CFAP69: variants seen among roughly 807,000 people sequenced by gnomAD.
CFAP69 encodes the protein cilia and flagella associated protein 69.
CFAP69 carries 92 observed loss-of-function variants against 123.0 expected under a neutral mutation model. The observed-to-expected ratio is 0.75, with a 90% CI of 0.63 to 0.89. CFAP69 has a LOEUF of 0.89. Ranked by LOEUF, CFAP69 falls within the 40% of genes least tolerant of loss-of-function variation. The pLI, the probability that CFAP69 is intolerant of heterozygous loss-of-function variation, is 0.00. For missense variants in CFAP69, 1,067 were observed against 1,096.9 expected, an observed-to-expected ratio of 0.97 and a Z score of 0.39; for synonymous variants, 380 against 364.3, an observed-to-expected ratio of 1.04 and a Z score of -0.49.
chr7:90,311,282 G>T (rs1408651881), downstream of CFAP69, among the ~76,000 whole-genome samples: 1 of 152,080 alleles, frequency 6.6e-6, no homozygotes, highest in East Asian at 1.9e-4. Context: ...AAGGACATGA[G>T]TTCATGTCCA....
At chr7:90,247,292 C>T (rs1211948276) in intron 1 of CFAP69, among the ~76,000 whole-genome samples, 1 of 152,194 alleles carries the variant, frequency 6.6e-6, no homozygotes, top group Non-Finnish European at 1.5e-5. Context: ...CCTTTTAGGC[C>T]TCTGCCTTAG....
At chr7:90,305,118 G>A (rs1252145934) in intron 19 of CFAP69, among the ~76,000 whole-genome samples, 2 of 151,932 alleles carry the variant, frequency 1.3e-5, no homozygotes, top group African/African-American at 2.4e-5. Flanking sequence ...CAAGGCAGGT[G>A]GATAACGAGG....
At position 90,271,552 on chromosome 7, in the gene CFAP69, A is replaced by C; in HGVS notation, c.559A>C (p.Lys187Gln). Residue 187 changes from lysine (K) to glutamine (Q), a missense_variant, in exon 7 of 23, where the codon AAG (lysine) becomes CAG (glutamine). Coordinates refer to ENST00000389297, the MANE Select transcript of CFAP69 (RefSeq NM_001039706.3). The stretch of plus-strand genomic sequence containing the variant: ...TTACCAGCAAGCGAGTTCATCATAC[A>C]AGATTCAAATGGCTGAAGTTGGAGG... ...PGYQQASSSY[K>Q]IQMAEVGGLA... The C allele has an allele frequency of 6.2e-7, 1 of 1,612,384 alleles. No homozygotes were observed.
intron 11 of CFAP69, 150 bp from the exon 12 acceptor site, chr7:90,279,527 T>G: frequency 2.1e-6 from 1 of 472,302 alleles, no homozygotes; most frequent in African/African-American, 2.0e-5. Flanking sequence ...GTGTTTTTTT[T>G]TTGGTACCTA....
At chr7:90,316,089 C>T in the CFAP69 span, among the ~76,000 whole-genome samples, 76,691 of 151,944 alleles carry the variant, frequency 0.5, 20,234 homozygotes, top group Non-Finnish European at 0.59. Context: ...AGCGAAACTC[C>T]GTCTCAAAAA....
At chr7:90,277,385 G>A (rs771956953) in intron 11 of CFAP69, 51 bp downstream of exon 11, 4 of 1,347,360 alleles carry the variant, frequency 3.0e-6, no homozygotes, top group South Asian at 1.8e-5. Flanking sequence ...TTACTTTGTA[G>A]TATAACTATT....
chr7:90,320,562 G>T, the CFAP69 span: 2 of 152,190 alleles, frequency 1.3e-5, no homozygotes, highest in Non-Finnish European at 2.9e-5. Flanking sequence ...GACTAAGTTG[G>T]CATTGAATTG....
At chr7:90,275,219 T>C (rs1788402492) in intron 9 of CFAP69, among the ~76,000 whole-genome samples, 1 of 152,220 alleles carries the variant, frequency 6.6e-6, no homozygotes, top group Non-Finnish European at 1.5e-5. Flanking sequence ...CTATTCATTA[T>C]GAGCATCTTT....
At chr7:90,290,743 GTCTTTTCTTTTCTTT>G (rs68042620) in intron 15 of CFAP69, among the ~76,000 whole-genome samples, 18,686 of 121,608 alleles carry the variant, frequency 0.15, 1,882 homozygotes, top group East Asian at 0.35. Flanking sequence ...TAGAAACAAT[GTCTTTTCTTTTCTTT>G]TCTTTTCTTT....
chr7:90,247,701 G>T (rs2116498556), intron 1 of CFAP69, among the ~76,000 whole-genome samples: 1 of 151,920 alleles, frequency 6.6e-6, no homozygotes, highest in East Asian at 1.9e-4. Context: ...CAAAAATTAG[G>T]TGGGCATGGT....
chr7:90,310,247 A>G lies in CFAP69; in HGVS notation c.*9A>G, dbSNP rs746188756. Reference sequence around the variant, plus strand: ...AGAGTATTCCTACGTAATATACTATAGAGACTTTTTGAAATAAAGTCAGCT... The same window carrying G: ...AGAGTATTCCTACGTAATATACTATGGAGACTTTTTGAAATAAAGTCAGCT... On this transcript the variant is annotated 3_prime_UTR_variant, in exon 23 of 23. Transcript: ENST00000389297. 1.3e-6 allele frequency: 2 copies of G among 1,580,990 alleles called. No individual in the cohort carries two copies. The highest frequency in any genetic ancestry group is 1.7e-6 in the Non-Finnish European group (2 of 1,161,760).
At position 90,279,827 on chromosome 7, in the gene CFAP69, G is replaced by GA. The variant is rs781330983; in HGVS notation, c.1308dup (p.Glu437ArgfsTer19). The GA allele has an allele frequency of 1.2e-6, 2 of 1,612,954 alleles. No homozygotes were observed. Among genetic ancestry groups the GA allele is most frequent in the Non-Finnish European group, 1.7e-6 (2 of 1,179,750 alleles). On this transcript the variant is annotated frameshift_variant, in exon 12 of 23. Coordinates refer to ENST00000389297, the MANE Select transcript of CFAP69 (RefSeq NM_001039706.3). LOFTEE classifies it high-confidence loss of function. ...GTCATCAGTGGCTCCTTTATTAATA[G>GA]AAGAATACATGTCATGCCAGGGAAA... is the stretch of plus-strand genomic sequence containing the variant.
chr7:90,253,679 T>C (rs1253133227), intron 1 of CFAP69, among the ~76,000 whole-genome samples: 1 of 152,140 alleles, frequency 6.6e-6, no homozygotes, highest in Non-Finnish European at 1.5e-5. Flanking sequence ...GCGTGAGCCA[T>C]CACGGCCGGC....
rs57578763 is a variant in CFAP69 at position 90,275,590 on chromosome 7, CTTTTTTTTTTTTT to C, written c.985-1466_985-1454del. Among the ~76,000 whole-genome samples, 115 of 62,074 alleles carry C rather than the reference CTTTTTTTTTTTTT, an allele frequency of 1.9e-3. 2 individuals carry two copies. In the East Asian group the frequency reaches 0.04, roughly 22 times the overall value. The allele number at this position is 62,074 out of a possible 152,430, so 40.7% of individuals were successfully genotyped here. ...TACGGCCTGCTCTCAGGCCAAAAGC[CTTTTTTTTTTTTT>C]TTTTTTTTTTTTTTTTGAGACGGAA... On this transcript the variant is annotated intron_variant, in intron 9 of 22. Coordinates refer to ENST00000389297, the MANE Select transcript of CFAP69 (RefSeq NM_001039706.3).
At chr7:90,290,761 TTTTC>T (rs1791024256) in intron 15 of CFAP69, among the ~76,000 whole-genome samples, 2 of 23,386 alleles carry the variant, frequency 8.6e-5, no homozygotes, top group Middle Eastern at 0.021. Context: ...TTTTCTTTTC[TTTTC>T]TTTTCTTTTC....
intron 2 of CFAP69, among the ~76,000 whole-genome samples, chr7:90,257,166 G>A (rs185932893): frequency 2.1e-4 from 32 of 152,186 alleles, no homozygotes; most frequent in African/African-American, 6.7e-4. Flanking sequence ...ATGTATATAT[G>A]GTACCCATGT....
chr7:90,313,415 C>T (rs1439112453), downstream of CFAP69, among the ~76,000 whole-genome samples: 1 of 152,092 alleles, frequency 6.6e-6, no homozygotes, highest in East Asian at 1.9e-4. Flanking sequence ...AATAGCAGAC[C>T]CTGACATCCA....
rs777981758 is a variant in CFAP69 at position 90,286,415 on chromosome 7, A to C, written c.1656+16A>C. The C allele has an allele frequency of 6.2e-7, 1 of 1,608,680 alleles. No individual in the cohort carries two copies. The highest frequency in any genetic ancestry group is 8.5e-7 in the Non-Finnish European group (1 of 1,178,318). On this transcript the variant is annotated intron_variant, in intron 14 of 22. Coordinates refer to ENST00000389297, the MANE Select transcript of CFAP69 (RefSeq NM_001039706.3). Reference sequence around the variant, plus strand: ...TCAAAGGAAGGTATGTATGCCTGTGAAAGTTTTGTTCAGGTCTCCCAGTCA... The same window carrying C: ...TCAAAGGAAGGTATGTATGCCTGTGCAAGTTTTGTTCAGGTCTCCCAGTCA...
intron 2 of CFAP69, among the ~76,000 whole-genome samples, chr7:90,256,135 C>T (rs10228672): frequency 0.11 from 17,114 of 151,924 alleles, 2,563 homozygotes; most frequent in East Asian, 0.61. Context: ...ACCACAAATG[C>T]CCATCAATGA....
Sources: gnomAD v4.1 joint callset for allele counts (sites outside exome capture counted in the v4.1 genomes callset) on GRCh38, gnomAD v4.1.1 for gene constraint, MANE v1.5 for transcripts, NCBI Gene and HGNC (gene_info 2026-07-23, HGNC 2026-07-21) for gene names.